The following TDP1 variants were observed in gnomAD, a reference collection of about 807,000 sequenced individuals.
TDP1 encodes the protein tyr-DNA phosphodiesterase 1.
Under a neutral mutation model 81.5 loss-of-function variants are expected in TDP1, and 64 were observed. That is an observed-to-expected ratio of 0.79 (90% CI 0.64 to 0.97). The LOEUF is 0.97. TDP1 is among the 50% of genes least tolerant of loss of function. The probability of loss-of-function intolerance (pLI) is 0.00; values close to 1 mark genes in which losing one functional copy is unlikely to be tolerated. For missense variants in TDP1, 723 were observed against 743.8 expected (o/e 0.97, Z 0.33); for synonymous variants, 256 against 264.3 (o/e 0.97, Z 0.30).
chr14:89,988,287 A>G (rs1895793429), intron 10 of TDP1, among the ~76,000 whole-genome samples: 2 of 152,130 alleles, frequency 1.3e-5, no homozygotes, highest in African/African-American at 2.4e-5. Context: ...TGATTACATC[A>G]CTGGCCATTG....
At chr14:89,965,939 A>G (rs913450843) in intron 3 of TDP1, 11 of 873,662 alleles carry the variant, frequency 1.3e-5, no homozygotes, top group Non-Finnish European at 1.5e-5. Context: ...ATTGTTTTAT[A>G]AAAGAATGTA....
At chr14:90,022,368 G>A (rs1222763023) in intron 15 of TDP1, among the ~76,000 whole-genome samples, 1 of 152,238 alleles carries the variant, frequency 6.6e-6, no homozygotes, top group East Asian at 1.9e-4. Context: ...TGGGAGCAAC[G>A]GGCCCAGGCC....
intron 4 of TDP1, 42 bp from the exon 5 acceptor site, chr14:89,967,325 G>A (rs1333974082): frequency 1.3e-6 from 2 of 1,589,446 alleles, no homozygotes; most frequent in Non-Finnish European, 1.7e-6. Flanking sequence ...CTGTTTGGCA[G>A]AATTACCTAT....
intron 15 of TDP1, chr14:90,023,174 G>A: frequency 1.4e-6 from 1 of 705,324 alleles, no homozygotes; most frequent in Non-Finnish European, 2.6e-6. Context: ...GCTCTGAGAA[G>A]AGGGACCATG....
chr14:89,989,217 G>T, intron 11 of TDP1, 127 bp downstream of exon 11: 2 of 1,371,148 alleles, frequency 1.5e-6, no homozygotes, highest in Non-Finnish European at 9.8e-7. Context: ...TTGGCGTGGC[G>T]GGGGCGGGGT....
chr14:90,000,344 G>C (rs768646589), intron 14 of TDP1, among the ~76,000 whole-genome samples: 4 of 152,154 alleles, frequency 2.6e-5, no homozygotes, highest in Non-Finnish European at 4.4e-5. Flanking sequence ...CAAGGAAAGG[G>C]GATATACAGG....
At chr14:89,971,330 C>A (rs948836905) in intron 6 of TDP1, 59 bp downstream of exon 6, 64 of 1,249,894 alleles carry the variant, frequency 5.1e-5, no homozygotes, top group Non-Finnish European at 7.4e-5. Flanking sequence ...GAAACTTAGA[C>A]ATTTAGTCCA....
intron 16 of TDP1, among the ~76,000 whole-genome samples, chr14:90,035,782 G>A (rs1423091025): frequency 6.7e-6 from 1 of 149,066 alleles, no homozygotes; most frequent in African/African-American, 2.5e-5. Context: ...TTGGAAGTGG[G>A]GACTGACTGA....
intron 15 of TDP1, chr14:90,022,914 G>T: frequency 2.6e-6 from 2 of 762,560 alleles, no homozygotes; most frequent in South Asian, 1.6e-5. Context: ...GGAACAGCCC[G>T]ACGGTTCCCT....
In TDP1 at chr14:90,006,785, C is replaced by T. The variant is rs570967162; in HGVS notation, c.1542-12531C>T. 2.6e-4 allele frequency among the ~76,000 whole-genome samples: 40 copies of T among 152,246 alleles called. 1 individual carries two copies. Among genetic ancestry groups the T allele is most frequent in the African/African-American group, 9.6e-4 (40 of 41,550 alleles). ...AACTCCTGACCTCAGGTGATCCGCC[C>T]ACCTCAGCCTCCCAAAGTGCTGGGA... On this transcript the variant is annotated intron_variant, in intron 14 of 16. Coordinates refer to ENST00000335725, the MANE Select transcript of TDP1 (RefSeq NM_018319.4).
intron 14 of TDP1, among the ~76,000 whole-genome samples, chr14:90,016,927 T>A (rs75526204): frequency 5.8e-4 from 89 of 152,150 alleles, no homozygotes; most frequent in South Asian, 5.2e-3. Context: ...CCCTCTTTAG[T>A]GATGAAGCAT....
At chr14:90,033,263 C>G (rs1477907907) in intron 16 of TDP1, 49 bp downstream of exon 16, 1 of 1,065,400 alleles carries the variant, frequency 9.4e-7, no homozygotes, top group East Asian at 2.4e-5. Flanking sequence ...ATAAGAAAAA[C>G]AAACAGAGCC....
chr14:90,031,436 C>T (rs1400699370), intron 15 of TDP1, among the ~76,000 whole-genome samples: 1 of 151,966 alleles, frequency 6.6e-6, no homozygotes, highest in African/African-American at 2.4e-5. Context: ...GTGGGTGGAT[C>T]ACTCGAGGCC....
At chr14:89,987,219 A>C (rs1895665663) in intron 10 of TDP1, among the ~76,000 whole-genome samples, 1 of 152,212 alleles carries the variant, frequency 6.6e-6, no homozygotes, top group Admixed American at 6.5e-5. Flanking sequence ...CTGCTCTCAC[A>C]CTACAACAGT....
At chr14:90,037,113 AAAG>A (rs1351095716) in intron 16 of TDP1, among the ~76,000 whole-genome samples, 4 of 152,206 alleles carry the variant, frequency 2.6e-5, no homozygotes, top group African/African-American at 9.6e-5. Flanking sequence ...CACCTGGCCC[AAAG>A]AAGGCTTTTA....
At chr14:90,032,652 C>T (rs952928710) in intron 15 of TDP1, 23 of 754,898 alleles carry the variant, frequency 3.0e-5, no homozygotes, top group Non-Finnish European at 3.7e-5. Context: ...ATACTTCTGT[C>T]ACATTATATT....
At chr14:89,969,144 C>T (rs1310114994) in intron 5 of TDP1, among the ~76,000 whole-genome samples, 1 of 152,180 alleles carries the variant, frequency 6.6e-6, no homozygotes, top group Non-Finnish European at 1.5e-5. Flanking sequence ...TTGGACTTCT[C>T]GCCTCCAGAC....
intron 8 of TDP1, among the ~76,000 whole-genome samples, chr14:89,983,713 A>G (rs1410829440): frequency 1.3e-5 from 2 of 152,224 alleles, no homozygotes; most frequent in Non-Finnish European, 2.9e-5. Flanking sequence ...GTTTGAAGCC[A>G]TTTTAGTAAT....
intron 3 of TDP1, 132 bp from the exon 4 acceptor site, chr14:89,966,015 G>T: frequency 1.0e-6 from 1 of 982,904 alleles, no homozygotes. Flanking sequence ...GTCTGACTTT[G>T]TAGTAACTGT....
Sources: gnomAD v4.1 joint callset for allele counts (sites outside exome capture counted in the v4.1 genomes callset) on GRCh38, gnomAD v4.1.1 for gene constraint, MANE v1.5 for transcripts, NCBI Gene and HGNC (gene_info 2026-07-23, HGNC 2026-07-21) for gene names.